The following FAM13C variants were observed in gnomAD, a reference collection of about 807,000 sequenced individuals.
The protein encoded by FAM13C is family with sequence similarity 13 member C, also known as protein FAM13C.
FAM13C carries 37 observed loss-of-function variants against 73.2 expected under a neutral mutation model. That is an observed-to-expected ratio of 0.51 (90% CI 0.39 to 0.67). The LOEUF (loss-of-function observed/expected upper bound fraction) is 0.67. Among genes scored for constraint, FAM13C ranks in the 30% least tolerant of loss-of-function variants. The pLI, the probability that FAM13C is intolerant of heterozygous loss-of-function variation, is 0.00. For synonymous variants in FAM13C, 246 were observed against 260.9 expected (o/e 0.94, Z 0.55); for missense variants, 589 against 715.6 (o/e 0.82, Z 2.02).
chr10:59,347,902 AC>A, intron 3 of FAM13C, among the ~76,000 whole-genome samples: 1 of 152,310 alleles, frequency 6.6e-6, no homozygotes, highest in East Asian at 1.9e-4. Flanking sequence ...TATATGTGCC[AC>A]ATTTTCTTTA....
chr10:59,270,224 C>A, intron 6 of FAM13C, 115 bp from the exon 7 acceptor site: 1 of 1,017,048 alleles, frequency 9.8e-7, no homozygotes, highest in Non-Finnish European at 1.4e-6. Flanking sequence ...TTTGTCATTT[C>A]TTCCTTCTGG....
At position 59,254,401 on chromosome 10, in the gene FAM13C, G is replaced by T; in HGVS notation, c.1279C>A (p.Arg427=). ...AAGATTTGCTTGATAATTCTGTATCGGTCATAAAGCGGCTTTATGAGGTTC... is the reference window on the plus strand; with the variant it reads ...AAGATTTGCTTGATAATTCTGTATCTGTCATAAAGCGGCTTTATGAGGTTC... ...DKNLIKPLYD[R]YRIIKQILST... Residue 427 remains arginine (R), a synonymous_variant, in exon 11 of 14, where the codon CGA becomes AGA. Coordinates refer to ENST00000618804, the MANE Select transcript of FAM13C (RefSeq NM_198215.4). The T allele has an allele frequency of 6.4e-7, 1 of 1,560,846 alleles. No homozygotes were observed. The highest frequency in any genetic ancestry group is 1.4e-5 in the African/African-American group (1 of 72,704).
intron 4 of FAM13C, among the ~76,000 whole-genome samples, chr10:59,312,639 C>T (rs1774142922): frequency 6.6e-6 from 1 of 152,164 alleles, no homozygotes; most frequent in South Asian, 2.1e-4. Context: ...GCAGCGTGTC[C>T]ACCACCAACT....
At chr10:59,325,777 T>G (rs1044856946) in intron 3 of FAM13C, among the ~76,000 whole-genome samples, 1 of 152,262 alleles carries the variant, frequency 6.6e-6, no homozygotes, top group Non-Finnish European at 1.5e-5. Context: ...TTATAAAAAT[T>G]TTCTTAAAGC....
At chr10:59,326,570 C>T (rs1345725718) in intron 3 of FAM13C, among the ~76,000 whole-genome samples, 2 of 152,124 alleles carry the variant, frequency 1.3e-5, no homozygotes, top group East Asian at 1.9e-4. Flanking sequence ...TAGAAAACAC[C>T]GAGTTTATTC....
At chr10:59,361,052 G>T in intron 1 of FAM13C, 4 of 1,289,134 alleles carry the variant, frequency 3.1e-6, no homozygotes, top group Non-Finnish European at 4.0e-6. Context: ...GGAAGTCCAG[G>T]CCTCATCTTC....
intron 5 of FAM13C, among the ~76,000 whole-genome samples, chr10:59,286,879 C>T (rs1028055294): frequency 6.7e-6 from 1 of 149,512 alleles, no homozygotes; most frequent in Non-Finnish European, 1.5e-5. Context: ...CGAAAAAATA[C>T]CAAAATTAAC....
intron 6 of FAM13C, among the ~76,000 whole-genome samples, chr10:59,276,809 A>G (rs1474916898): frequency 2.6e-5 from 4 of 152,188 alleles, no homozygotes; most frequent in Non-Finnish European, 5.9e-5. Flanking sequence ...CACGCCAAAG[A>G]TTGTTTTAAA....
intron 10 of FAM13C, among the ~76,000 whole-genome samples, chr10:59,261,994 T>C (rs2133457086): frequency 6.6e-6 from 1 of 152,244 alleles, no homozygotes; most frequent in South Asian, 2.1e-4. Flanking sequence ...ACCTCTCTAT[T>C]CTTATTATAT....
intron 3 of FAM13C, among the ~76,000 whole-genome samples, chr10:59,339,652 A>G (rs1177597017): frequency 2.6e-5 from 4 of 152,154 alleles, no homozygotes; most frequent in Non-Finnish European, 5.9e-5. Flanking sequence ...GGCACAGTCA[A>G]CCCAGCATCA....
At chr10:59,350,129 G>C (rs1019740849) in intron 3 of FAM13C, among the ~76,000 whole-genome samples, 1 of 152,190 alleles carries the variant, frequency 6.6e-6, no homozygotes, top group Non-Finnish European at 1.5e-5. Context: ...GAAAGCATTT[G>C]AGAATGAAGC....
intron 6 of FAM13C, among the ~76,000 whole-genome samples, chr10:59,281,515 A>T (rs1482838402): frequency 6.6e-6 from 1 of 152,208 alleles, no homozygotes; most frequent in Non-Finnish European, 1.5e-5. Context: ...GGGAGATCTG[A>T]GACATTTCAG....
At chr10:59,302,719 A>G in intron 5 of FAM13C, 82 bp downstream of exon 5, 1 of 1,292,940 alleles carries the variant, frequency 7.7e-7, no homozygotes, top group Admixed American at 2.0e-5. Context: ...CATGAGAATG[A>G]ATTCCTAGTA....
At chr10:59,290,697 C>G (rs1269895414) in intron 5 of FAM13C, among the ~76,000 whole-genome samples, 1 of 152,158 alleles carries the variant, frequency 6.6e-6, no homozygotes, top group Non-Finnish European at 1.5e-5. Flanking sequence ...ACAAGGCTCG[C>G]CACATTATGT....
intron 4 of FAM13C, among the ~76,000 whole-genome samples, chr10:59,319,296 C>T (rs973490090): frequency 6.6e-6 from 1 of 152,188 alleles, no homozygotes; most frequent in African/African-American, 2.4e-5. Flanking sequence ...CTTCAACCTC[C>T]TGCAACATGG....
intron 6 of FAM13C, among the ~76,000 whole-genome samples, chr10:59,273,357 A>G (rs1189478596): frequency 6.6e-6 from 1 of 152,174 alleles, no homozygotes; most frequent in Non-Finnish European, 1.5e-5. Context: ...TTAATATAAG[A>G]AAGTTGAATA....
rs1845216037 is a variant in FAM13C, at chr10:59,283,774, CAT to C, written c.508-329_508-328del. On this transcript the variant is annotated intron_variant, in intron 5 of 13. Coordinates refer to ENST00000618804, the MANE Select transcript of FAM13C (RefSeq NM_198215.4). ...GTGATTTCATCAGCAAGAGACGCTG[CAT>C]CTGGAGAACCAATCTGAGAAGATAT... The C allele has an allele frequency of 1.4e-5, 7 of 516,262 alleles. No homozygotes were observed. The East Asian group carries it at 2.0e-4, about 15-fold the overall frequency. 32.0% of individuals were successfully genotyped at this position (516,262 alleles called of 1,614,324 possible).
intron 3 of FAM13C, among the ~76,000 whole-genome samples, chr10:59,348,292 G>A (rs1354976944): frequency 1.3e-5 from 2 of 152,176 alleles, no homozygotes; most frequent in African/African-American, 4.8e-5. Flanking sequence ...ATTTGTAGCT[G>A]CAACATAAGC....
intron 3 of FAM13C, among the ~76,000 whole-genome samples, chr10:59,328,250 C>T (rs1184302733): frequency 1.3e-5 from 2 of 152,304 alleles, no homozygotes; most frequent in East Asian, 1.9e-4. Flanking sequence ...GGAGAGTGTG[C>T]ATGATAACAA....
Sources: gnomAD v4.1 joint callset for allele counts (sites outside exome capture counted in the v4.1 genomes callset) on GRCh38, gnomAD v4.1.1 for gene constraint, MANE v1.5 for transcripts, NCBI Gene and HGNC (gene_info 2026-07-23, HGNC 2026-07-21) for gene names.